SLC22A4: variants seen among roughly 807,000 people sequenced by gnomAD.
SLC22A4 encodes the protein ET transporter.
Under a neutral mutation model 56.6 loss-of-function variants are expected in SLC22A4, and 39 were observed. The ratio of observed to expected loss-of-function variants is 0.69; its 90% CI spans 0.53 to 0.90. The LOEUF (loss-of-function observed/expected upper bound fraction) is 0.90. Ranked by LOEUF, SLC22A4 falls within the 40% of genes least tolerant of loss-of-function variation. The pLI is 0.00. For missense variants in SLC22A4, 594 were observed against 696.5 expected (o/e 0.85, Z 1.66); for synonymous variants, 241 against 281.4 (o/e 0.86, Z 1.44).
chr5:132,331,505 T>A (rs1750858600), intron 5 of SLC22A4, among the ~76,000 whole-genome samples: 1 of 152,182 alleles, frequency 6.6e-6, no homozygotes, highest in African/African-American at 2.4e-5. Context: ...CCAACAGGCT[T>A]TGTCTAACGA....
chr5:132,339,058 G>T (rs1052687641), intron 8 of SLC22A4, among the ~76,000 whole-genome samples: 1 of 152,240 alleles, frequency 6.6e-6, no homozygotes, highest in Admixed American at 6.5e-5. Flanking sequence ...TATTAATTTG[G>T]GGAACTAATA....
At chr5:132,298,718 C>T (rs1749835536) in intron 1 of SLC22A4, among the ~76,000 whole-genome samples, 1 of 152,202 alleles carries the variant, frequency 6.6e-6, no homozygotes, top group Non-Finnish European at 1.5e-5. Context: ...TGGTGGCCAG[C>T]ACAGAGTGTG....
At chr5:132,301,612 G>T (rs1427047388) in intron 1 of SLC22A4, among the ~76,000 whole-genome samples, 1 of 152,222 alleles carries the variant, frequency 6.6e-6, no homozygotes, top group African/African-American at 2.4e-5. Context: ...GCCAGGTTAT[G>T]TGGCGAAGGA....
chr5:132,335,437 T>C (rs1246431888), intron 7 of SLC22A4, among the ~76,000 whole-genome samples: 2 of 152,204 alleles, frequency 1.3e-5, no homozygotes, highest in African/African-American at 4.8e-5. Flanking sequence ...TTGATAGTAA[T>C]AGAAATACAT....
chr5:132,312,658 CCAGA>C (rs1450451810), intron 2 of SLC22A4, among the ~76,000 whole-genome samples: 1 of 152,234 alleles, frequency 6.6e-6, no homozygotes, highest in Non-Finnish European at 1.5e-5. Context: ...CAGCCAGCAG[CCAGA>C]CAGTGAGCCC....
At chr5:132,327,456 A>T (rs1294599900) in intron 5 of SLC22A4, 53 bp downstream of exon 5, 1 of 1,534,544 alleles carries the variant, frequency 6.5e-7, no homozygotes, top group African/African-American at 1.4e-5. Flanking sequence ...TCTTGATTTT[A>T]TGGAATTTAA....
In SLC22A4 at chr5:132,340,573, A is replaced by AC; in HGVS notation, c.1453_1454insC (p.Asn485ThrfsTer11). 6.2e-7 allele frequency: 1 copy of AC among 1,614,030 alleles called. No individual in the cohort carries two copies. Among genetic ancestry groups the AC allele is most frequent in the South Asian group, 1.1e-5 (1 of 91,088 alleles). On this transcript the variant is annotated frameshift_variant, in exon 9 of 10. Transcript: ENST00000200652. LOFTEE classifies it high-confidence loss of function. ...TGTCCCGGGCTTTACAGGTGCTTAC[A>AC]ACAGAATGCTGCCCTACATCGTCAT...
chr5:132,324,142 T>C (rs1750615330), intron 4 of SLC22A4, among the ~76,000 whole-genome samples: 1 of 152,018 alleles, frequency 6.6e-6, no homozygotes, highest in South Asian at 2.1e-4. Flanking sequence ...CAGTGCGCTA[T>C]ATGATCATGC....
In SLC22A4 at chr5:132,340,605, T is replaced by C; in HGVS notation, c.1485T>C (p.Ser495=). ...NRMLPYIVMG[S]LTVLIGILTL... ...TGCTGCCCTACATCGTCATGGGTAG[T>C]CTGACTGTCCTGATTGGAATCCTCA... is the stretch of plus-strand genomic sequence containing the variant. The change falls in exon 9 of 10, where the codon AGT becomes AGC. Residue 495 remains serine (S), a synonymous_variant. Transcript: ENST00000200652. The C allele has an allele frequency of 6.2e-7, 1 of 1,613,960 alleles. No homozygotes were observed. Among genetic ancestry groups the C allele is most frequent in the Non-Finnish European group, 8.5e-7 (1 of 1,179,868 alleles).
At chr5:132,313,815 A>G in intron 3 of SLC22A4, 47 bp downstream of exon 3, 1 of 1,575,930 alleles carries the variant, frequency 6.3e-7, no homozygotes, top group Non-Finnish European at 8.7e-7. Flanking sequence ...TAACCCTCTG[A>G]AAGGCCCAGA....
rs565684209 is a variant in SLC22A4, at chr5:132,297,871, C to T, written c.393+2862C>T. Reference sequence around the variant, plus strand: ...GCTGGGGCAGGAGGATCACTTGAGCCCAAGAGTTTGAGGTTGCAGTGAGCT... The same window carrying T: ...GCTGGGGCAGGAGGATCACTTGAGCTCAAGAGTTTGAGGTTGCAGTGAGCT... On this transcript the variant is annotated intron_variant, in intron 1 of 9. Coordinates refer to ENST00000200652, the MANE Select transcript of SLC22A4 (RefSeq NM_003059.3). 7.9e-5 allele frequency among the ~76,000 whole-genome samples: 12 copies of T among 152,088 alleles called. No individual in the cohort carries two copies. The South Asian group carries it at 2.3e-3, about 29-fold the overall frequency.
At chr5:132,328,470 G>A (rs1750744435) in intron 5 of SLC22A4, among the ~76,000 whole-genome samples, 1 of 152,136 alleles carries the variant, frequency 6.6e-6, no homozygotes, top group African/African-American at 2.4e-5. Flanking sequence ...GGCTTAGACT[G>A]GCCATGAACT....
chr5:132,329,896 T>C (rs1343428044), intron 5 of SLC22A4, among the ~76,000 whole-genome samples: 1 of 152,176 alleles, frequency 6.6e-6, no homozygotes, highest in African/African-American at 2.4e-5. Flanking sequence ...AGAGTCGAAG[T>C]AGGCAAGCCC....
intron 5 of SLC22A4, among the ~76,000 whole-genome samples, chr5:132,329,921 C>A (rs1750806709): frequency 6.6e-6 from 1 of 152,190 alleles, no homozygotes; most frequent in Non-Finnish European, 1.5e-5. Context: ...AGGAACCTGG[C>A]AACCTGCATT....
chr5:132,324,916 T>G (rs942888769), intron 4 of SLC22A4, among the ~76,000 whole-genome samples: 1 of 152,126 alleles, frequency 6.6e-6, no homozygotes, highest in African/African-American at 2.4e-5. Context: ...TGGCCCTGAG[T>G]ACAGTGGGCT....
At chr5:132,320,309 G>A (rs573096041) in intron 3 of SLC22A4, among the ~76,000 whole-genome samples, 25 of 152,170 alleles carry the variant, frequency 1.6e-4, no homozygotes, top group African/African-American at 2.9e-4. Flanking sequence ...TTGATCCTGC[G>A]CCCTTTCTCT....
intron 2 of SLC22A4, 46 bp downstream of exon 2, chr5:132,312,310 A>G (rs1237713323): frequency 8.9e-6 from 10 of 1,121,156 alleles, no homozygotes; most frequent in Admixed American, 1.7e-5. Context: ...CCCCTTGTCA[A>G]TCACTGCCTA....
chr5:132,316,853 G>C (rs1188796422), intron 3 of SLC22A4, among the ~76,000 whole-genome samples: 2 of 152,156 alleles, frequency 1.3e-5, no homozygotes, highest in Non-Finnish European at 1.5e-5. Flanking sequence ...ATATAATTTT[G>C]TCTTCGCCTG....
In SLC22A4 at chr5:132,322,207, G is replaced by A; in HGVS notation, c.676G>A (p.Val226Ile). 1.2e-6 allele frequency: 2 copies of A among 1,613,736 alleles called. No homozygotes were observed. The highest frequency in any genetic ancestry group is 2.7e-5 in the African/African-American group (2 of 75,050). ...ILGTEILGKS[V>I]RIIFSTLGVC... ...AGGAACAGAAATTCTTGGCAAGTCA[G>A]TTCGTATTATATTCTCTACATTAGG... The change falls in exon 4 of 10, where the codon GTT becomes ATT. Residue 226 changes from valine (V) to isoleucine (I), a missense_variant. Val to Ile is a conservative substitution (Grantham distance 29). Transcript: ENST00000200652.
Sources: gnomAD v4.1 joint callset for allele counts (sites outside exome capture counted in the v4.1 genomes callset) on GRCh38, gnomAD v4.1.1 for gene constraint, MANE v1.5 for transcripts, NCBI Gene and HGNC (gene_info 2026-07-23, HGNC 2026-07-21) for gene names.